The following TFIP11 variants were observed in gnomAD, a reference collection of about 807,000 sequenced individuals.
The protein encoded by TFIP11 is tuftelin-interacting protein 11.
TFIP11 carries 86 observed loss-of-function variants against 96.8 expected under a neutral mutation model. The observed-to-expected ratio is 0.89, with a 90% CI of 0.75 to 1.06. The LOEUF is 1.06. Among genes scored for constraint, TFIP11 ranks in the 50% least tolerant of loss-of-function variants. The probability of loss-of-function intolerance (pLI) is 0.00; values close to 1 mark genes in which losing one functional copy is unlikely to be tolerated. For missense variants in TFIP11, 881 were observed against 1,076.7 expected (o/e 0.82, Z 2.54); for synonymous variants, 405 against 395.2 (o/e 1.02, Z -0.29).
chr22:26,510,161 T>G lies in TFIP11; in HGVS notation c.112A>C (p.Asn38His), dbSNP rs1382363662. ...DWDLQNEFNP[N>H]RQRHWQTKEE... ...TTGGTCTGCCAGTGGCGCTGTCGGT[T>G]GGGGTTGAACTCATTCTGGAGATCC... Residue 38 changes from asparagine to histidine, a missense_variant, in exon 4 of 15, where the codon AAC becomes CAC. Coordinates refer to ENST00000407690, the MANE Select transcript of TFIP11 (RefSeq NM_012143.4). The G allele has an allele frequency of 6.2e-7, 1 of 1,614,194 alleles. No individual in the cohort carries two copies. The highest frequency in any genetic ancestry group is 2.2e-5 in the East Asian group (1 of 44,884).
At chr22:26,494,757 C>CA in intron 13 of TFIP11, 40 bp downstream of exon 13, 8 of 1,613,492 alleles carry the variant, frequency 5.0e-6, no homozygotes, top group Non-Finnish European at 6.8e-6. Context: ...AATCCCCACC[C>CA]AGTTCCCTCC....
In TFIP11 at chr22:26,491,667, G is replaced by A; in HGVS notation, c.*346C>T. The A allele has an allele frequency of 6.2e-7, 1 of 1,609,128 alleles. No homozygotes were observed. The highest frequency in any genetic ancestry group is 1.6e-4 in the Middle Eastern group (1 of 6,062). On this transcript the variant is annotated 3_prime_UTR_variant, in exon 15 of 15. Transcript: ENST00000407690. ...CAAGAGAGAAGATCCTTCTGCTACT[G>A]ACTGAACTCGTTGTGAGGTACTCAG...
chr22:26,506,450 A>C lies in TFIP11; in HGVS notation c.373T>G (p.Phe125Val), dbSNP rs1219893262. ...GCAAAACCTTTCTGGCTGGGCTTAA[A>C]ATTGCCACCCTGCAAAAAAGAAAAA... The part of the protein sequence containing the change: ...GPRKLKTGGN[F>V]KPSQKGFAGG... The change falls in exon 6 of 15, where the codon TTT becomes GTT. Residue 125 changes from phenylalanine to valine, a missense_variant. By Grantham distance (50) the Phe-to-Val change is conservative (BLOSUM62 -1). Transcript: ENST00000407690. 2 of 1,599,516 alleles carry C rather than the reference A, an allele frequency of 1.3e-6. No individual in the cohort carries two copies. Among genetic ancestry groups the C allele is most frequent in the Non-Finnish European group, 1.7e-6 (2 of 1,176,422 alleles).
rs1020351097 is a variant in TFIP11 at position 26,506,938 on chromosome 22, C to A, written c.210-10G>T. ...AGAGTAGTCACGGGCCCTGTAGGCACAGAAACAAAGCCCCACCAGGTCGGT... is the reference window on the plus strand; with the variant it reads ...AGAGTAGTCACGGGCCCTGTAGGCAAAGAAACAAAGCCCCACCAGGTCGGT... On this transcript the variant is annotated splice_polypyrimidine_tract_variant and intron_variant, in intron 4 of 14. Coordinates refer to ENST00000407690, the MANE Select transcript of TFIP11 (RefSeq NM_012143.4). The A allele has an allele frequency of 3.6e-5, 58 of 1,612,824 alleles. No homozygotes were observed. The highest frequency in any genetic ancestry group is 4.9e-5 in the Non-Finnish European group (58 of 1,179,316).
At position 26,498,887 on chromosome 22, in the gene TFIP11, G is replaced by A. The variant is rs1206182782; in HGVS notation, c.1418C>T (p.Ser473Leu). The change falls in exon 10 of 15, where the codon TCA becomes TTA. Residue 473 changes from serine to leucine, a missense_variant. By Grantham distance (145) the Ser-to-Leu change is moderately radical. Transcript: ENST00000407690. ...GGTGTACCTGTGAAAGGCATCTGCT[G>A]AGAGGTCCTGTCCGCCATGGGACAA... Reference protein sequence around the residue: ...QLLSHGGQDLSADAFHRLIWE... With the variant: ...QLLSHGGQDLLADAFHRLIWE... 6.2e-7 allele frequency: 1 copy of A among 1,613,790 alleles called. No homozygotes were observed. Among genetic ancestry groups the A allele is most frequent in the South Asian group, 1.1e-5 (1 of 91,060 alleles).
At chr22:26,507,331 T>C (rs78540372) in intron 4 of TFIP11, among the ~76,000 whole-genome samples, 2,943 of 152,210 alleles carry the variant, frequency 0.019, 76 homozygotes, top group African/African-American at 0.068. Flanking sequence ...ATAAAACCCA[T>C]TGAAAGATTA....
At chr22:26,495,480 T>TGCTC (rs1921840525) in intron 12 of TFIP11, among the ~76,000 whole-genome samples, 2 of 151,586 alleles carry the variant, frequency 1.3e-5, no homozygotes, top group South Asian at 4.2e-4. Context: ...TTCACCATGT[T>TGCTC]GCTCAGGCTG....
intron 10 of TFIP11, among the ~76,000 whole-genome samples, chr22:26,498,508 A>G (rs1012608395): frequency 1.4e-5 from 2 of 145,452 alleles, no homozygotes; most frequent in African/African-American, 5.2e-5. Context: ...ACGCCACTGC[A>G]CTCCAGCCTG....
In TFIP11 at chr22:26,491,677, G is replaced by T. The variant is rs757744125; in HGVS notation, c.*336C>A. Reference sequence around the variant, plus strand: ...GATCCTTCTGCTACTGACTGAACTCGTTGTGAGGTACTCAGTGTTGGCTGA... The same window carrying T: ...GATCCTTCTGCTACTGACTGAACTCTTTGTGAGGTACTCAGTGTTGGCTGA... On this transcript the variant is annotated 3_prime_UTR_variant, in exon 15 of 15. Coordinates refer to ENST00000407690, the MANE Select transcript of TFIP11 (RefSeq NM_012143.4). 5.6e-6 allele frequency: 9 copies of T among 1,607,074 alleles called. No homozygotes were observed. The South Asian group carries it at 8.8e-5, about 16-fold the overall frequency.
rs1200297743 is a variant in TFIP11, at chr22:26,491,899, G to T, written c.*114C>A. ...TTCCCTCATGACCTGGCCTGATGTG[G>T]AGTAGCTCCTGAGTAAAGAAGTTAC... is the stretch of plus-strand genomic sequence containing the variant. On this transcript the variant is annotated 3_prime_UTR_variant, in exon 15 of 15. Coordinates refer to ENST00000407690, the MANE Select transcript of TFIP11 (RefSeq NM_012143.4). The T allele has an allele frequency of 2.7e-6, 3 of 1,118,104 alleles. No individual in the cohort carries two copies. The highest frequency in any genetic ancestry group is 3.1e-5 in the African/African-American group (2 of 64,066). 69.3% of individuals were successfully genotyped at this position (1,118,104 alleles called of 1,614,324 possible). A position where few individuals can be genotyped will look rare whatever the true frequency, so the allele number is the denominator to read the frequency against.
At chr22:26,494,996 G>C in intron 12 of TFIP11, 57 bp from the exon 13 acceptor site, 1 of 1,603,426 alleles carries the variant, frequency 6.2e-7, no homozygotes, top group South Asian at 1.1e-5. Flanking sequence ...AGCCAAAGAA[G>C]CACAAAGAGC....
At chr22:26,495,405 G>A (rs1921826791) in intron 12 of TFIP11, among the ~76,000 whole-genome samples, 1 of 150,390 alleles carries the variant, frequency 6.6e-6, no homozygotes, top group South Asian at 2.1e-4. Flanking sequence ...AGCCTCCCTA[G>A]TAGCTGGGAC....
chr22:26,496,851 A>AT lies in TFIP11; in HGVS notation c.1474dup (p.Ile492AsnfsTer11). ...GTTCCTTGGCTGCCACTGGGTGACA[A>AT]TATTTCGAACAAAAGGCATCCAGAC... On this transcript the variant is annotated frameshift_variant, in exon 11 of 15. Transcript: ENST00000407690. LOFTEE classifies it high-confidence loss of function. The AT allele has an allele frequency of 6.2e-7, 1 of 1,614,180 alleles. No individual in the cohort carries two copies. Among genetic ancestry groups the AT allele is most frequent in the Non-Finnish European group, 8.5e-7 (1 of 1,180,034 alleles).
At chr22:26,499,977 A>G (rs765021147) in intron 8 of TFIP11, among the ~76,000 whole-genome samples, 9 of 152,234 alleles carry the variant, frequency 5.9e-5, no homozygotes, top group Non-Finnish European at 1.2e-4. Context: ...AAAGAAGGTA[A>G]CATACAATCA....
intron 14 of TFIP11, 96 bp downstream of exon 14, chr22:26,494,043 G>T: frequency 1.4e-6 from 2 of 1,420,750 alleles, no homozygotes; most frequent in Non-Finnish European, 1.9e-6. Context: ...GGTTTAGGCT[G>T]CCTACAGGAA....
intron 4 of TFIP11, among the ~76,000 whole-genome samples, chr22:26,509,517 T>C (rs538970522): frequency 3.9e-5 from 6 of 152,228 alleles, no homozygotes; most frequent in Non-Finnish European, 8.8e-5. Flanking sequence ...AATGGGTCTA[T>C]AGCACAGGCC....
At chr22:26,496,695 A>G (rs1303518594) in intron 11 of TFIP11, 26 bp downstream of exon 11, 1 of 1,610,148 alleles carries the variant, frequency 6.2e-7, no homozygotes. Flanking sequence ...AGTGATGACG[A>G]CTGTTTCCCA....
chr22:26,507,606 G>A (rs1923573808), intron 4 of TFIP11, among the ~76,000 whole-genome samples: 1 of 148,384 alleles, frequency 6.7e-6, no homozygotes, highest in South Asian at 2.1e-4. Flanking sequence ...CCCCAGCCTG[G>A]GCAAAAGAGT....
rs1433008292 is a variant in TFIP11 at position 26,496,421 on chromosome 22, C to T, written c.1606-105G>A. ...CTGCCCCTGGAGGAGGCCCTGTGCT[C>T]TCTGAGGCCCACAGTCCTTTGTACA... On this transcript the variant is annotated intron_variant, in intron 11 of 14. Coordinates refer to ENST00000407690, the MANE Select transcript of TFIP11 (RefSeq NM_012143.4). 11 of 1,437,246 alleles carry T rather than the reference C, an allele frequency of 7.7e-6. No individual in the cohort carries two copies. In the Middle Eastern group the frequency reaches 1.0e-3, roughly 136 times the overall value. 89.0% of individuals were successfully genotyped at this position (1,437,246 alleles called of 1,614,324 possible).
Sources: allele counts gnomAD v4.1 joint callset (sites outside exome capture counted in the v4.1 genomes callset), GRCh38; gene constraint gnomAD v4.1.1; transcripts MANE v1.5; gene names NCBI Gene and HGNC (gene_info 2026-07-23, HGNC 2026-07-21).